The following UPF3A variants were observed in gnomAD, a reference collection of about 807,000 sequenced individuals.
UPF3A encodes UPF3A regulator of nonsense mediated mRNA decay.
UPF3A carries 42 observed loss-of-function variants against 53.5 expected under a neutral mutation model. That is an observed-to-expected ratio of 0.78 (90% CI 0.61 to 1.01). The LOEUF (loss-of-function observed/expected upper bound fraction) is 1.01, where lower values mean the gene tolerates loss of function less well. Among genes scored for constraint, UPF3A ranks in the 50% least tolerant of loss-of-function variants. The probability of loss-of-function intolerance (pLI) is 0.00; values close to 1 mark genes in which losing one functional copy is unlikely to be tolerated. For synonymous variants in UPF3A, 237 were observed against 225.3 expected (o/e 1.05, Z -0.47); for missense variants, 575 against 598.0 (o/e 0.96, Z 0.40).
intron 7 of UPF3A, among the ~76,000 whole-genome samples, chr13:114,295,138 T>TA (rs2085759738): frequency 6.8e-6 from 1 of 148,054 alleles, no homozygotes; most frequent in African/African-American, 2.5e-5. Flanking sequence ...AGAAAAGAAA[T>TA]ACGGCACACA....
intron 5 of UPF3A, among the ~76,000 whole-genome samples, chr13:114,291,012 T>C (rs1444436505): frequency 6.6e-6 from 1 of 151,838 alleles, no homozygotes; most frequent in Non-Finnish European, 1.5e-5. Context: ...TGAGATTACA[T>C]GTGTGAGCCA....
chr13:114,300,398 G>A (rs2086483915), intron 8 of UPF3A, among the ~76,000 whole-genome samples: 1 of 152,084 alleles, frequency 6.6e-6, no homozygotes. Context: ...TTGAGACAAA[G>A]TCTCGCCCTG....
chr13:114,289,104 A>G (rs1447560759), intron 5 of UPF3A, among the ~76,000 whole-genome samples: 2 of 152,050 alleles, frequency 1.3e-5, no homozygotes, highest in Admixed American at 1.3e-4. Flanking sequence ...AATGCTTCAC[A>G]AAAGTTGGCT....
At chr13:114,301,186 G>T (rs1258712542) in intron 8 of UPF3A, among the ~76,000 whole-genome samples, 3 of 151,830 alleles carry the variant, frequency 2.0e-5, no homozygotes, top group Admixed American at 1.3e-4. Context: ...GCATGGCCAG[G>T]CACGGTGGCT....
At chr13:114,291,205 A>G (rs1242193251) in intron 5 of UPF3A, among the ~76,000 whole-genome samples, 1 of 152,242 alleles carries the variant, frequency 6.6e-6, no homozygotes, top group Non-Finnish European at 1.5e-5. Context: ...AAATAAATAT[A>G]TGTTATTTAA....
At position 114,301,947 on chromosome 13, in the gene UPF3A, G is replaced by A; in HGVS notation, c.1224G>A (p.Gly408=). 1.2e-6 allele frequency: 2 copies of A among 1,610,246 alleles called. No individual in the cohort carries two copies. Among genetic ancestry groups the A allele is most frequent in the East Asian group, 4.5e-5 (2 of 44,814 alleles). ...KKGSQDSGAP[G]EAMERLGRAQ... ...GGAGCCAGGACAGCGGGGCTCCGGGGGAGGCCATGGAGAGACTGGGAAGAG... is the reference window on the plus strand; with the variant it reads ...GGAGCCAGGACAGCGGGGCTCCGGGAGAGGCCATGGAGAGACTGGGAAGAG... Residue 408 remains glycine (G), a synonymous_variant, in exon 9 of 10, where the codon GGG becomes GGA. Coordinates refer to ENST00000375299, the MANE Select transcript of UPF3A (RefSeq NM_023011.4).
At position 114,281,806 on chromosome 13, in the gene UPF3A, C is replaced by G. The variant is rs373380917; in HGVS notation, c.167C>G (p.Ala56Gly). ...TCGTCCTCCGGTTGCGGGGGCGGTG[C>G]GGGCAAACCTCGCGAGGAGAAGAGG... is the stretch of plus-strand genomic sequence containing the variant. ...PTSSSGCGGG[A>G]GKPREEKRTA... Residue 56 changes from alanine to glycine, a missense_variant, in exon 1 of 10, where the codon GCG becomes GGG. Transcript: ENST00000375299. 21 of 1,552,158 alleles carry G rather than the reference C, an allele frequency of 1.4e-5. No individual in the cohort carries two copies. The Admixed American group carries it at 4.1e-4, about 30-fold the overall frequency.
chr13:114,304,542 C>G (rs2086870239), intron 9 of UPF3A, among the ~76,000 whole-genome samples: 1 of 152,180 alleles, frequency 6.6e-6, no homozygotes, highest in African/African-American at 2.4e-5. Flanking sequence ...TTGTACTGTT[C>G]CCACAGATTA....
At position 114,305,369 on chromosome 13, in the gene UPF3A, C is replaced by T; in HGVS notation, c.*452C>T. 4.1e-6 allele frequency: 1 copy of T among 243,240 alleles called. No homozygotes were observed. Among genetic ancestry groups the T allele is most frequent in the South Asian group, 4.9e-5 (1 of 20,568 alleles). The allele number at this position is 243,240 out of a possible 1,614,324, so 15.1% of individuals were successfully genotyped here. On this transcript the variant is annotated 3_prime_UTR_variant, in exon 10 of 10. Coordinates refer to ENST00000375299, the MANE Select transcript of UPF3A (RefSeq NM_023011.4). Reference sequence around the variant, plus strand: ...CCATGGTGTCGAGTGAAGAGTAGTTCTTGTTTGTTACAACCTTTGTGAGTC... The same window carrying T: ...CCATGGTGTCGAGTGAAGAGTAGTTTTTGTTTGTTACAACCTTTGTGAGTC...
At chr13:114,292,182 A>G (rs751169016) in intron 7 of UPF3A, among the ~76,000 whole-genome samples, 4 of 150,642 alleles carry the variant, frequency 2.7e-5, no homozygotes, top group Non-Finnish European at 5.9e-5. Context: ...TGTCAGCTCA[A>G]CGCGTACACG....
At chr13:114,295,074 T>C (rs533050190) in intron 7 of UPF3A, among the ~76,000 whole-genome samples, 16 of 145,752 alleles carry the variant, frequency 1.1e-4, no homozygotes, top group Admixed American at 2.7e-4. Context: ...ATTGCGCCAC[T>C]GCACTCCAGC....
chr13:114,294,538 C>T lies in UPF3A; in HGVS notation c.846+2746C>T, dbSNP rs192680516. On this transcript the variant is annotated intron_variant, in intron 7 of 9. Transcript: ENST00000375299. The stretch of plus-strand genomic sequence containing the variant: ...TGCTGGGGTTAGAGGCATGAGCCAC[C>T]GTGCGTAGCACTCATGGCTATTCTT... Among the ~76,000 whole-genome samples, 446 of 152,296 alleles carry T rather than the reference C, an allele frequency of 2.9e-3. 1 individual carries two copies. The highest frequency in any genetic ancestry group is 9.9e-3 in the African/African-American group (412 of 41,560).
At chr13:114,291,915 AT>A (rs1478665390) in intron 7 of UPF3A, 123 bp downstream of exon 7, 4 of 1,267,682 alleles carry the variant, frequency 3.2e-6, no homozygotes, top group Non-Finnish European at 4.3e-6. Flanking sequence ...TTGTGTTGTT[AT>A]TTTTTTCCAT....
intron 2 of UPF3A, chr13:114,282,370 A>T: frequency 8.9e-7 from 1 of 1,119,448 alleles, no homozygotes; most frequent in Non-Finnish European, 1.2e-6. Context: ...CGCTTAGGAA[A>T]GCGGGTGCCT....
intron 5 of UPF3A, among the ~76,000 whole-genome samples, chr13:114,288,751 A>C (rs183981715): frequency 8.5e-5 from 13 of 152,194 alleles, no homozygotes; most frequent in African/African-American, 3.1e-4. Context: ...GGACAGGAAG[A>C]ATTAAGACTC....
chr13:114,305,685 C>T lies in UPF3A; in HGVS notation c.*768C>T, dbSNP rs1487779545. 2.0e-5 allele frequency: 3 copies of T among 152,198 alleles called. No homozygotes were observed. Among genetic ancestry groups the T allele is most frequent in the African/African-American group, 7.2e-5 (3 of 41,438 alleles). 9.4% of individuals were successfully genotyped at this position (152,198 alleles called of 1,614,324 possible). On this transcript the variant is annotated 3_prime_UTR_variant, in exon 10 of 10. Transcript: ENST00000375299. The stretch of plus-strand genomic sequence containing the variant: ...TTTTAGATACTTTATTTGTAAATAA[C>T]TTAAAATAGCTTTCTGAAACCGTGC...
At position 114,301,990 on chromosome 13, in the gene UPF3A, A is replaced by G. The variant is rs1187208983; in HGVS notation, c.1267A>G (p.Ser423Gly). ...GGGAAGAGCGCAGAGGTGTGACGACAGTCCAGCACCCAGAAAAGAGCGACT... is the reference window on the plus strand; with the variant it reads ...GGGAAGAGCGCAGAGGTGTGACGACGGTCCAGCACCCAGAAAAGAGCGACT... ...RLGRAQRCDD[S>G]PAPRKERLAN... Residue 423 changes from serine to glycine, a missense_variant, in exon 9 of 10, where the codon AGT (serine) becomes GGT (glycine). Coordinates refer to ENST00000375299, the MANE Select transcript of UPF3A (RefSeq NM_023011.4). The G allele has an allele frequency of 6.5e-7, 1 of 1,545,604 alleles. No individual in the cohort carries two copies. Among genetic ancestry groups the G allele is most frequent in the Non-Finnish European group, 8.7e-7 (1 of 1,147,512 alleles).
At chr13:114,299,759 C>G (rs913378206) in intron 8 of UPF3A, among the ~76,000 whole-genome samples, 1 of 152,246 alleles carries the variant, frequency 6.6e-6, no homozygotes, top group Non-Finnish European at 1.5e-5. Flanking sequence ...GCTTACCTTC[C>G]CCTCCGGGAC....
chr13:114,283,568 A>G (rs753379066), intron 3 of UPF3A: 3 of 174,532 alleles, frequency 1.7e-5, no homozygotes, highest in Non-Finnish European at 3.4e-5. Flanking sequence ...AAGCTAAACT[A>G]TTTTACCTGA....
Sources: gnomAD v4.1 joint callset for allele counts (sites outside exome capture counted in the v4.1 genomes callset) on GRCh38, gnomAD v4.1.1 for gene constraint, MANE v1.5 for transcripts, NCBI Gene and HGNC (gene_info 2026-07-23, HGNC 2026-07-21) for gene names.